Variants in MACROD2 observed in about 807,000 individuals in gnomAD.
The protein encoded by MACROD2 is mono-ADP ribosylhydrolase 2.
A neutral mutation model predicts 70.4 loss-of-function variants in MACROD2; 36 were observed. The observed-to-expected ratio is 0.51, with a 90% CI of 0.39 to 0.68. The LOEUF (loss-of-function observed/expected upper bound fraction) is 0.68. Ranked by LOEUF, MACROD2 falls within the 30% of genes least tolerant of loss-of-function variation. MACROD2 has a pLI of 0.00. For missense variants in MACROD2, 496 were observed against 538.4 expected (o/e 0.92, Z 0.78); for synonymous variants, 172 against 178.8 (o/e 0.96, Z 0.30).
chr20:15,352,917 G>T lies in MACROD2; in HGVS notation c.541-78488G>T, dbSNP rs1216075365. ...AGGAAGAATCAATATCATGAAAATG[G>T]CCATACTGCCCAAGGTAATTTATAG... On this transcript the variant is annotated intron_variant, in intron 6 of 17. Coordinates refer to ENST00000684519, the MANE Select transcript of MACROD2 (RefSeq NM_001351661.2). Among the ~76,000 whole-genome samples the T allele has an allele frequency of 2.0e-5, 3 of 151,704 alleles. No homozygotes were observed. In the East Asian group the frequency reaches 5.8e-4, roughly 29 times the overall value.
intron 6 of MACROD2, among the ~76,000 whole-genome samples, chr20:15,326,504 C>T (rs1174450834): frequency 2.6e-5 from 4 of 152,054 alleles, no homozygotes; most frequent in African/African-American, 9.7e-5. Flanking sequence ...TATACACTCC[C>T]TTCTCCTGAC....
At chr20:15,553,351 A>T (rs549036758) in intron 8 of MACROD2, among the ~76,000 whole-genome samples, 1 of 152,204 alleles carries the variant, frequency 6.6e-6, no homozygotes, top group Non-Finnish European at 1.5e-5. Context: ...GCAGGAATAC[A>T]TAGGGTCAGA....
intron 4 of MACROD2, among the ~76,000 whole-genome samples, chr20:14,613,364 T>C (rs1983287411): frequency 6.6e-6 from 1 of 151,852 alleles, no homozygotes; most frequent in South Asian, 2.1e-4. Flanking sequence ...TGTGAGAGAG[T>C]ATTTTACGGT....
At chr20:15,926,750 G>C (rs1443372404) in intron 10 of MACROD2, among the ~76,000 whole-genome samples, 1 of 152,218 alleles carries the variant, frequency 6.6e-6, no homozygotes, top group Non-Finnish European at 1.5e-5. Context: ...TGGAGGAACA[G>C]CACAGAGGCC....
chr20:14,435,304 G>A (rs1371481213), intron 3 of MACROD2, among the ~76,000 whole-genome samples: 2 of 152,080 alleles, frequency 1.3e-5, no homozygotes, highest in Non-Finnish European at 2.9e-5. Flanking sequence ...ATTAGATTTA[G>A]AACCCACCCA....
intron 6 of MACROD2, among the ~76,000 whole-genome samples, chr20:15,370,880 A>G (rs778754391): frequency 6.6e-6 from 1 of 152,094 alleles, no homozygotes; most frequent in Non-Finnish European, 1.5e-5. Context: ...GTAATTTATT[A>G]TAATTTTTAT....
chr20:14,590,386 G>A (rs1317518871), intron 4 of MACROD2, among the ~76,000 whole-genome samples: 2 of 152,086 alleles, frequency 1.3e-5, no homozygotes, highest in Non-Finnish European at 2.9e-5. Context: ...ATTCAGCCTG[G>A]GTTTAGAGGT....
chr20:15,937,415 A>G, intron 11 of MACROD2, 61 bp from the exon 12 acceptor site: 1 of 1,517,316 alleles, frequency 6.6e-7, no homozygotes, highest in South Asian at 1.1e-5. Flanking sequence ...AGGGCAGGAA[A>G]GCCACAGCTG....
chr20:15,955,405 G>C (rs2065962480), intron 12 of MACROD2, among the ~76,000 whole-genome samples: 1 of 152,134 alleles, frequency 6.6e-6, no homozygotes, highest in African/African-American at 2.4e-5. Context: ...TGTTACAAAT[G>C]TACCATTCTC....
chr20:15,985,474 G>A (rs1422169634), intron 13 of MACROD2, among the ~76,000 whole-genome samples: 2 of 152,246 alleles, frequency 1.3e-5, no homozygotes, highest in Admixed American at 1.3e-4. Flanking sequence ...CTCAGATGGA[G>A]TGGGGCAAGT....
At chr20:15,399,939 C>G (rs1340248637) in intron 6 of MACROD2, among the ~76,000 whole-genome samples, 1 of 152,170 alleles carries the variant, frequency 6.6e-6, no homozygotes, top group Non-Finnish European at 1.5e-5. Flanking sequence ...GTCATTGTTT[C>G]AATCCCCTTT....
chr20:14,050,284 C>T lies in MACROD2; in HGVS notation c.164-35337C>T, dbSNP rs577815517. Among the ~76,000 whole-genome samples, 3 of 152,106 alleles carry T rather than the reference C, an allele frequency of 2.0e-5. No homozygotes were observed. The South Asian group carries it at 6.2e-4, about 32-fold the overall frequency. On this transcript the variant is annotated intron_variant, in intron 2 of 17. Transcript: ENST00000684519. ...GAGCCTGAGAACTCTATCAAGAACTCATATGGGAAGAAGGAAAGGAAAGAT... is the reference window on the plus strand; with the variant it reads ...GAGCCTGAGAACTCTATCAAGAACTTATATGGGAAGAAGGAAAGGAAAGAT...
chr20:15,733,523 C>CT (rs2146953817), intron 8 of MACROD2, among the ~76,000 whole-genome samples: 1 of 152,050 alleles, frequency 6.6e-6, no homozygotes, highest in South Asian at 2.1e-4. Flanking sequence ...TTTGTCACTG[C>CT]TTTTATGGCA....
In MACROD2 at chr20:14,684,899, C is replaced by G. The variant is rs201978764; in HGVS notation, c.358C>G (p.Leu120Val). 372 of 1,613,910 alleles carry G rather than the reference C, an allele frequency of 2.3e-4. No homozygotes were observed. The highest frequency in any genetic ancestry group is 3.0e-4 in the Non-Finnish European group (351 of 1,179,958). Residue 120 changes from leucine (L) to valine (V), a missense_variant, in exon 5 of 18, where the codon CTG becomes GTG. Coordinates refer to ENST00000684519, the MANE Select transcript of MACROD2 (RefSeq NM_001351661.2). Reference sequence around the variant, plus strand: ...CTGTTTGCTAGCTGAATGTCGTAACCTGAATGGCTGTGATACTGGACATGC... The same window carrying G: ...CTGTTTGCTAGCTGAATGTCGTAACGTGAATGGCTGTGATACTGGACATGC... ...GPCLLAECRN[L>V]NGCDTGHAKI...
chr20:16,021,598 C>T (rs1171298031), intron 15 of MACROD2, among the ~76,000 whole-genome samples: 1 of 152,182 alleles, frequency 6.6e-6, no homozygotes, highest in Admixed American at 6.5e-5. Flanking sequence ...TTTATTCATA[C>T]TGAAATAATA....
At chr20:15,544,129 A>G (rs1203057205) in intron 8 of MACROD2, among the ~76,000 whole-genome samples, 1 of 152,198 alleles carries the variant, frequency 6.6e-6, no homozygotes, top group African/African-American at 2.4e-5. Context: ...TCAGCTTTAG[A>G]GTAACCGATA....
intron 8 of MACROD2, among the ~76,000 whole-genome samples, chr20:15,683,159 A>G (rs747704303): frequency 3.7e-4 from 57 of 152,342 alleles, no homozygotes; most frequent in South Asian, 1.5e-3. Flanking sequence ...ATAAATGAAC[A>G]CTTTCATTTA....
chr20:15,978,189 G>A (rs1165378007), intron 13 of MACROD2, among the ~76,000 whole-genome samples: 4 of 152,120 alleles, frequency 2.6e-5, no homozygotes, highest in African/African-American at 9.7e-5. Context: ...TTCCAGTGTT[G>A]CTTGTCCATG....
intron 15 of MACROD2, among the ~76,000 whole-genome samples, chr20:15,989,291 C>T (rs1163620120): frequency 1.3e-5 from 2 of 152,160 alleles, no homozygotes; most frequent in Non-Finnish European, 2.9e-5. Flanking sequence ...TCAACAACAA[C>T]AACTGGTTCT....
Sources: allele counts gnomAD v4.1 joint callset (sites outside exome capture counted in the v4.1 genomes callset), GRCh38; gene constraint gnomAD v4.1.1; transcripts MANE v1.5; gene names NCBI Gene and HGNC (gene_info 2026-07-23, HGNC 2026-07-21).